AGBL1: variants seen among roughly 807,000 people sequenced by gnomAD.
AGBL1 encodes AGBL carboxypeptidase 1.
In AGBL1, 130 loss-of-function variants were observed where a neutral mutation model predicts 118.9. The observed-to-expected ratio is 1.09, with a 90% confidence interval of 0.95 to 1.26. The LOEUF (loss-of-function observed/expected upper bound fraction) is 1.26, where lower values mean the gene tolerates loss of function less well. AGBL1 is among the 50% of genes most tolerant of loss of function. AGBL1 has a pLI of 0.00. For synonymous variants in AGBL1, 555 were observed against 478.9 expected, an observed-to-expected ratio of 1.16 and a Z score of -2.08; for missense variants, 1,584 against 1,298.1, an observed-to-expected ratio of 1.22 and a Z score of -3.38.
chr15:86,210,257 T>A (rs2078069405), intron 5 of AGBL1, among the ~76,000 whole-genome samples: 1 of 152,186 alleles, frequency 6.6e-6, no homozygotes, highest in African/African-American at 2.4e-5. Context: ...ATTTTTTCCT[T>A]CATTTTAACC....
At chr15:86,554,753 T>G (rs1303335434) in intron 21 of AGBL1, among the ~76,000 whole-genome samples, 2 of 152,138 alleles carry the variant, frequency 1.3e-5, no homozygotes, top group African/African-American at 2.4e-5. Context: ...TCCAATTTGG[T>G]TCCTCAATCA....
chr15:86,551,885 T>C (rs1409586682), intron 20 of AGBL1, among the ~76,000 whole-genome samples: 1 of 152,042 alleles, frequency 6.6e-6, no homozygotes, highest in Admixed American at 6.6e-5. Flanking sequence ...GAAAACAACC[T>C]GAAAAGGCTA....
intron 22 of AGBL1, among the ~76,000 whole-genome samples, chr15:86,846,654 C>T (rs2079323414): frequency 6.6e-6 from 1 of 152,160 alleles, no homozygotes; most frequent in East Asian, 1.9e-4. Flanking sequence ...GATTCAGCCT[C>T]CTGAGTAGCT....
chr15:86,757,918 A>G (rs1451217453), intron 22 of AGBL1, among the ~76,000 whole-genome samples: 4 of 152,148 alleles, frequency 2.6e-5, no homozygotes, highest in Admixed American at 1.3e-4. Context: ...TTCTAGATAC[A>G]TTTTATTCCA....
intron 21 of AGBL1, among the ~76,000 whole-genome samples, chr15:86,567,083 C>T (rs1333049631): frequency 6.6e-6 from 1 of 152,122 alleles, no homozygotes; most frequent in Non-Finnish European, 1.5e-5. Flanking sequence ...TATTGATTAA[C>T]AGGATCATTA....
At chr15:86,992,208 C>T (rs907208121) in intron 24 of AGBL1, among the ~76,000 whole-genome samples, 1 of 152,040 alleles carries the variant, frequency 6.6e-6, no homozygotes, top group Non-Finnish European at 1.5e-5. Flanking sequence ...ATCTCATGTG[C>T]TCTCAGATTG....
intron 5 of AGBL1, among the ~76,000 whole-genome samples, chr15:86,162,405 C>T (rs532705138): frequency 1.4e-4 from 21 of 152,254 alleles, no homozygotes; most frequent in African/African-American, 4.8e-4. Context: ...AGCTGTCCTC[C>T]AATGAAGCTC....
intron 18 of AGBL1, among the ~76,000 whole-genome samples, chr15:86,411,953 G>A (rs768582834): frequency 6.6e-6 from 1 of 152,118 alleles, no homozygotes; most frequent in Non-Finnish European, 1.5e-5. Context: ...ATTAGGGATT[G>A]GTTGTTATTG....
chr15:86,791,728 T>TTATATATATATATATATA (rs3059670), intron 22 of AGBL1, among the ~76,000 whole-genome samples: 79 of 142,878 alleles, frequency 5.5e-4, no homozygotes, highest in African/African-American at 2.0e-3. Flanking sequence ...TCCTTGTTTT[T>TTATATATATATATATATA]TATATATATA....
At chr15:86,850,488 A>T (rs2079392980) in intron 22 of AGBL1, among the ~76,000 whole-genome samples, 1 of 152,166 alleles carries the variant, frequency 6.6e-6, no homozygotes, top group Non-Finnish European at 1.5e-5. Context: ...TCCTCACACC[A>T]TGGGTGCCCC....
intron 6 of AGBL1, among the ~76,000 whole-genome samples, chr15:86,236,969 G>A (rs921475680): frequency 8.0e-6 from 1 of 125,714 alleles, no homozygotes; most frequent in Non-Finnish European, 1.7e-5. Flanking sequence ...GCGCCAAGTT[G>A]CCAGGCACAT....
intron 1 of AGBL1, among the ~76,000 whole-genome samples, chr15:86,119,548 G>A (rs866251594): frequency 7.9e-5 from 12 of 152,074 alleles, no homozygotes; most frequent in Middle Eastern, 3.4e-3. Context: ...CTGCCCCCCC[G>A]GACCCATCAA....
rs2079480718 is a variant in AGBL1, at chr15:86,856,400, A to G, written c.3159-50687A>G. Among the ~76,000 whole-genome samples the G allele has an allele frequency of 2.6e-5, 4 of 152,220 alleles. No individual in the cohort carries two copies. In the South Asian group the frequency reaches 8.3e-4, roughly 31 times the overall value. On this transcript the variant is annotated intron_variant, in intron 22 of 22. Coordinates refer to ENST00000614907, the MANE Select transcript of AGBL1 (RefSeq NM_001386094.1). ...GGGAGATAAAATGGAAAAAAACCTTATCTACATTTTATGGATTGGAAAGTG... is the reference window on the plus strand; with the variant it reads ...GGGAGATAAAATGGAAAAAAACCTTGTCTACATTTTATGGATTGGAAAGTG...
At chr15:86,390,128 A>G (rs981259743) in intron 17 of AGBL1, among the ~76,000 whole-genome samples, 2 of 152,232 alleles carry the variant, frequency 1.3e-5, no homozygotes, top group African/African-American at 4.8e-5. Context: ...TATACACACA[A>G]AGGAGACATT....
chr15:86,604,603 T>G (rs771090535), intron 21 of AGBL1, among the ~76,000 whole-genome samples: 26 of 152,188 alleles, frequency 1.7e-4, no homozygotes, highest in Non-Finnish European at 3.4e-4. Context: ...TGCCTTACCT[T>G]TTAATAATAC....
intron 21 of AGBL1, among the ~76,000 whole-genome samples, chr15:86,673,577 C>G (rs1012361327): frequency 6.6e-6 from 1 of 152,194 alleles, no homozygotes. Context: ...AGAACAATCT[C>G]TACCTCACAG....
intron 6 of AGBL1, among the ~76,000 whole-genome samples, chr15:86,232,255 C>T (rs1205487821): frequency 1.3e-5 from 2 of 152,194 alleles, no homozygotes; most frequent in African/African-American, 4.8e-5. Flanking sequence ...CATCCCTGTC[C>T]CCTTGGGACG....
intron 17 of AGBL1, among the ~76,000 whole-genome samples, chr15:86,391,640 G>GTTTTTTTTTTTTTTT (rs751427467): frequency 2.2e-4 from 16 of 73,784 alleles, no homozygotes; most frequent in African/African-American, 2.8e-4. Flanking sequence ...GTTGTTGTTG[G>GTTTTTTTTTTTTTTT]TTTTTTTTTT....
At chr15:86,457,016 G>T (rs543455566) in intron 18 of AGBL1, among the ~76,000 whole-genome samples, 2 of 152,146 alleles carry the variant, frequency 1.3e-5, no homozygotes, top group East Asian at 1.9e-4. Flanking sequence ...ACCGCTATTT[G>T]CCTTGTTAGT....
Sources: allele counts gnomAD v4.1 joint callset (sites outside exome capture counted in the v4.1 genomes callset), GRCh38; gene constraint gnomAD v4.1.1; transcripts MANE v1.5; gene names NCBI Gene and HGNC (gene_info 2026-07-23, HGNC 2026-07-21).